CGNL1: variants seen among roughly 807,000 people sequenced by gnomAD.
CGNL1 encodes the protein cingulin-like protein 1.
A neutral mutation model predicts 141.2 loss-of-function variants in CGNL1; 132 were observed. The ratio of observed to expected loss-of-function variants is 0.93; its 90% CI spans 0.81 to 1.08. The LOEUF is 1.08. Ranked by LOEUF, CGNL1 falls within the 50% of genes least tolerant of loss-of-function variation. CGNL1 has a pLI of 0.00. For missense variants in CGNL1, 1,870 were observed against 1,588.6 expected, an observed-to-expected ratio of 1.18 and a Z score of -3.01; for synonymous variants, 690 against 622.1, an observed-to-expected ratio of 1.11 and a Z score of -1.63.
At chr15:57,540,594 C>T (rs2032511876) in intron 14 of CGNL1, among the ~76,000 whole-genome samples, 1 of 152,108 alleles carries the variant, frequency 6.6e-6, no homozygotes, top group South Asian at 2.1e-4. Context: ...CCTGTCTATC[C>T]CTGATCTCAT....
intron 8 of CGNL1, among the ~76,000 whole-genome samples, chr15:57,471,429 A>T (rs1225356469): frequency 6.6e-6 from 1 of 152,234 alleles, no homozygotes; most frequent in Non-Finnish European, 1.5e-5. Context: ...ATGTTTAAGC[A>T]GGCTGGCATT....
At chr15:57,390,073 T>C (rs1046557676) in intron 1 of CGNL1, among the ~76,000 whole-genome samples, 10 of 152,166 alleles carry the variant, frequency 6.6e-5, no homozygotes, top group Non-Finnish European at 1.5e-5. Context: ...GCCTTGGCCT[T>C]CCAAAGTGCT....
intron 8 of CGNL1, among the ~76,000 whole-genome samples, chr15:57,496,612 C>T (rs754016725): frequency 2.0e-5 from 3 of 152,124 alleles, no homozygotes; most frequent in Non-Finnish European, 4.4e-5. Flanking sequence ...CCAAGTCTGT[C>T]TTGTAAAGGA....
At chr15:57,400,306 A>G (rs1181319618) in intron 1 of CGNL1, among the ~76,000 whole-genome samples, 2 of 152,066 alleles carry the variant, frequency 1.3e-5, no homozygotes, top group Non-Finnish European at 2.9e-5. Context: ...TCTCATTCTT[A>G]GGTCTGCCTT....
intron 1 of CGNL1, among the ~76,000 whole-genome samples, chr15:57,396,048 C>T (rs761539353): frequency 6.6e-6 from 1 of 151,972 alleles, no homozygotes; most frequent in Non-Finnish European, 1.5e-5. Context: ...TTGTATTTGG[C>T]TTTTTTTACT....
intron 8 of CGNL1, among the ~76,000 whole-genome samples, chr15:57,468,262 A>C (rs2063535779): frequency 9.4e-6 from 1 of 106,568 alleles, no homozygotes; most frequent in African/African-American, 3.9e-5. Context: ...TTTTTTTGAG[A>C]CAGAGTCTGG....
intron 1 of CGNL1, among the ~76,000 whole-genome samples, chr15:57,384,945 G>T (rs888447816): frequency 3.9e-5 from 6 of 152,294 alleles, no homozygotes; most frequent in East Asian, 3.9e-4. Flanking sequence ...TAACAGGAGA[G>T]AATTTTTGAT....
chr15:57,543,033 C>T (rs1213370122), intron 14 of CGNL1, among the ~76,000 whole-genome samples: 1 of 152,186 alleles, frequency 6.6e-6, no homozygotes, highest in Non-Finnish European at 1.5e-5. Context: ...ACCTGGGTGC[C>T]TTAAAACAAC....
intron 10 of CGNL1, among the ~76,000 whole-genome samples, chr15:57,520,531 G>C (rs1352836078): frequency 6.6e-6 from 1 of 152,204 alleles, no homozygotes; most frequent in East Asian, 1.9e-4. Flanking sequence ...GCTGTTCTTG[G>C]TTAGCTCAAT....
At chr15:57,528,629 C>G (rs756084820) in intron 12 of CGNL1, 25 bp from the exon 13 acceptor site, 1 of 1,612,574 alleles carries the variant, frequency 6.2e-7, no homozygotes, top group Non-Finnish European at 8.5e-7. Flanking sequence ...CCCCAGAAAA[C>G]CATCCCAGCT....
At chr15:57,381,373 A>C (rs1344374645) in intron 1 of CGNL1, among the ~76,000 whole-genome samples, 1 of 152,170 alleles carries the variant, frequency 6.6e-6, no homozygotes, top group Non-Finnish European at 1.5e-5. Flanking sequence ...CAGCCTGGAC[A>C]ACATGCTGAA....
At chr15:57,424,180 G>C (rs1237152182) in intron 1 of CGNL1, among the ~76,000 whole-genome samples, 4 of 152,160 alleles carry the variant, frequency 2.6e-5, no homozygotes, top group Non-Finnish European at 5.9e-5. Flanking sequence ...CTGATTCTTC[G>C]ATTTGTCTAG....
chr15:57,449,816 A>G (rs749310299), intron 4 of CGNL1, among the ~76,000 whole-genome samples: 4 of 152,280 alleles, frequency 2.6e-5, no homozygotes, highest in Middle Eastern at 3.4e-3. Context: ...ATCACACAGT[A>G]TATCACCTTT....
chr15:57,381,687 G>A (rs1329074168), intron 1 of CGNL1, among the ~76,000 whole-genome samples: 2 of 152,192 alleles, frequency 1.3e-5, no homozygotes, highest in Non-Finnish European at 2.9e-5. Context: ...AAGAAATTGT[G>A]TTCTCAGTGC....
At position 57,438,078 on chromosome 15, in the gene CGNL1, CA is replaced by C; in HGVS notation, c.84del (p.Lys28AsnfsTer30). 2 of 1,614,046 alleles carry C rather than the reference CA, an allele frequency of 1.2e-6. No individual in the cohort carries two copies. The highest frequency in any genetic ancestry group is 1.7e-6 in the Non-Finnish European group (2 of 1,179,982). ...TCTGAGACTCGCAAGTGATGATACC[CA>C]AAAATCAAGGAGTTCCCAGAACTCC... Reference protein sequence around the residue: ...VHLRLASDDTQKSRSSQNSKA... With the variant: ...VHLRLASDDTXKSRSSQNSKA... On this transcript the variant is annotated frameshift_variant, in exon 2 of 19. Transcript: ENST00000281282. LOFTEE classifies it high-confidence loss of function.
intron 1 of CGNL1, among the ~76,000 whole-genome samples, chr15:57,426,353 C>T (rs1415013031): frequency 2.0e-5 from 3 of 151,996 alleles, no homozygotes; most frequent in African/African-American, 7.2e-5. Flanking sequence ...CCATGTTGAA[C>T]AGGCTGGTCT....
chr15:57,463,152 G>A (rs754741032), intron 8 of CGNL1, among the ~76,000 whole-genome samples: 5 of 152,116 alleles, frequency 3.3e-5, no homozygotes, highest in Non-Finnish European at 5.9e-5. Context: ...TCCTTTAAGG[G>A]CAGTTGAGAA....
chr15:57,461,799 G>A lies in CGNL1; in HGVS notation c.2310G>A (p.Glu770=). The A allele has an allele frequency of 6.2e-7, 1 of 1,614,102 alleles. No individual in the cohort carries two copies. Among genetic ancestry groups the A allele is most frequent in the Non-Finnish European group, 8.5e-7 (1 of 1,180,024 alleles). Residue 770 remains glutamate (E), a synonymous_variant, in exon 8 of 19, where the codon GAG becomes GAA. Coordinates refer to ENST00000281282, the MANE Select transcript of CGNL1 (RefSeq NM_032866.5). The part of the protein sequence containing the change: ...LTALKGALKE[E]VSSHDQEMDK... The stretch of plus-strand genomic sequence containing the variant: ...CCCTGAAGGGAGCCCTGAAAGAAGA[G>A]GTTTCCAGCCATGATCAGGAGATGG...
At chr15:57,425,639 G>A (rs141619211) in intron 1 of CGNL1, among the ~76,000 whole-genome samples, 4,472 of 151,810 alleles carry the variant, frequency 0.029, 202 homozygotes, top group East Asian at 0.13. Context: ...TACTTGGGAG[G>A]CTGAGGTGGG....
Sources: allele counts gnomAD v4.1 joint callset (sites outside exome capture counted in the v4.1 genomes callset), GRCh38; gene constraint gnomAD v4.1.1; transcripts MANE v1.5; gene names NCBI Gene and HGNC (gene_info 2026-07-23, HGNC 2026-07-21).